The following NUMB variants were observed in gnomAD, a reference collection of about 807,000 sequenced individuals.
NUMB encodes the protein NUMB endocytic adaptor protein.
Under a neutral mutation model 59.7 loss-of-function variants are expected in NUMB, and 29 were observed. That is an observed-to-expected ratio of 0.49 (90% CI 0.36 to 0.66). The LOEUF is 0.66. Ranked by LOEUF, NUMB falls within the 30% of genes least tolerant of loss-of-function variation. NUMB has a pLI of 0.00. For synonymous variants in NUMB, 288 were observed against 288.2 expected, an observed-to-expected ratio of 1.00 and a Z score of 0.01; for missense variants, 723 against 822.0, an observed-to-expected ratio of 0.88 and a Z score of 1.47.
At chr14:73,321,568 T>C (rs1891407966) in intron 5 of NUMB, among the ~76,000 whole-genome samples, 1 of 152,220 alleles carries the variant, frequency 6.6e-6, no homozygotes, top group Admixed American at 6.5e-5. Context: ...AAAATTAAAT[T>C]TTTACTTCTC....
intron 1 of NUMB, among the ~76,000 whole-genome samples, chr14:73,424,626 C>T (rs1189662028): frequency 6.6e-6 from 1 of 152,046 alleles, no homozygotes; most frequent in East Asian, 1.9e-4. Flanking sequence ...AGTGGCATGT[C>T]GTATTATTTC....
chr14:73,452,757 A>G (rs1884076012), intron 1 of NUMB, among the ~76,000 whole-genome samples: 1 of 152,184 alleles, frequency 6.6e-6, no homozygotes, highest in Non-Finnish European at 1.5e-5. Context: ...CAGAGATAAG[A>G]AGAGCCTTCT....
intron 3 of NUMB, among the ~76,000 whole-genome samples, chr14:73,362,272 C>T (rs1387793843): frequency 6.6e-6 from 1 of 151,538 alleles, no homozygotes; most frequent in Non-Finnish European, 1.5e-5. Flanking sequence ...AAAAATGCTA[C>T]CAAAATTGTT....
chr14:73,355,041 C>T (rs1016563850), intron 4 of NUMB, among the ~76,000 whole-genome samples: 4 of 152,054 alleles, frequency 2.6e-5, no homozygotes, highest in Admixed American at 6.6e-5. Context: ...TTTCATTTCA[C>T]TAAAATATGA....
chr14:73,375,819 C>T (rs988721640), intron 2 of NUMB, among the ~76,000 whole-genome samples: 3 of 152,172 alleles, frequency 2.0e-5, no homozygotes, highest in African/African-American at 7.2e-5. Context: ...ACATGATCAT[C>T]TCCATAAATG....
intron 9 of NUMB, 160 bp downstream of exon 9, chr14:73,286,950 C>G (rs753453719): frequency 1.5e-6 from 1 of 684,948 alleles, no homozygotes; most frequent in South Asian, 1.7e-5. Flanking sequence ...ACTAGCCACT[C>G]TAAAGGAAGC....
chr14:73,357,918 C>G lies in NUMB; in HGVS notation c.-15-2152G>C, dbSNP rs565193026. Among the ~76,000 whole-genome samples, 766 of 145,282 alleles carry G rather than the reference C, an allele frequency of 5.3e-3. 7 individuals carry two copies. The highest frequency in any genetic ancestry group is 0.018 in the African/African-American group (721 of 39,300). On this transcript the variant is annotated intron_variant, in intron 3 of 12. Transcript: ENST00000555238. ...AAAAAAAAAAACCCACCAAAAAAAA[C>G]AAACTAAAAAAACCCTGTTATGATT...
intron 1 of NUMB, among the ~76,000 whole-genome samples, chr14:73,433,864 T>A (rs1181529612): frequency 6.6e-6 from 1 of 152,108 alleles, no homozygotes; most frequent in East Asian, 1.9e-4. Flanking sequence ...CCGAGGCCGA[T>A]GGATCACCTG....
At chr14:73,349,577 GAAA>G (rs71112731) in intron 4 of NUMB, among the ~76,000 whole-genome samples, 12 of 127,540 alleles carry the variant, frequency 9.4e-5, no homozygotes, top group African/African-American at 1.2e-4. Context: ...TCCATCTCAA[GAAA>G]AAAAAAAAAA....
intron 4 of NUMB, among the ~76,000 whole-genome samples, chr14:73,346,992 T>A (rs1479854738): frequency 6.6e-6 from 1 of 152,174 alleles, no homozygotes; most frequent in Non-Finnish European, 1.5e-5. Flanking sequence ...CACAGGTGAT[T>A]TATTAACTTT....
intron 2 of NUMB, among the ~76,000 whole-genome samples, chr14:73,395,575 C>CATA (rs1385246406): frequency 6.6e-6 from 1 of 152,024 alleles, no homozygotes; most frequent in Non-Finnish European, 1.5e-5. Flanking sequence ...GAGCCGTGAT[C>CATA]ATACCACTGC....
chr14:73,376,085 C>T (rs1007343644), intron 2 of NUMB, among the ~76,000 whole-genome samples: 4 of 152,108 alleles, frequency 2.6e-5, no homozygotes, highest in African/African-American at 9.7e-5. Flanking sequence ...GGAAATAAAA[C>T]TTAGACTGGA....
Position 73,308,838 on chromosome 14 carries a change from T to A in NUMB, c.234+7552A>T, listed in dbSNP as rs753032966. Among the ~76,000 whole-genome samples, 63 of 152,134 alleles carry A rather than the reference T, an allele frequency of 4.1e-4. 1 individual carries two copies. The highest frequency in any genetic ancestry group is 7.6e-4 in the Non-Finnish European group (52 of 68,028). On this transcript the variant is annotated intron_variant, in intron 6 of 12. Transcript: ENST00000555238. ...TCAAAGGGGAGTGAGAGATGGGCTA[T>A]GTGAATTGCTGCTGATAGTCTGAGT...
At chr14:73,352,501 TATATATATATATATATATATATA>T (rs1893414021) in intron 4 of NUMB, among the ~76,000 whole-genome samples, 5 of 12,700 alleles carry the variant, frequency 3.9e-4, no homozygotes, top group Admixed American at 1.2e-3. Context: ...TATATATATA[TATATATATATATATATATATATA>T]TATATGTTTT....
chr14:73,277,022 G>C lies in NUMB; in HGVS notation c.1512C>G (p.Ala504=). ...PVGVVPALQP[A]FVPAQSYPVA... ...CAGGATAGGACTGGGCAGGGACAAA[G>C]GCTGGTTGCAGGGCTGGGACCACAC... Residue 504 remains alanine, a synonymous_variant, in exon 13 of 13, where the codon GCC becomes GCG. Transcript: ENST00000555238. 6.2e-7 allele frequency: 1 copy of C among 1,614,154 alleles called. No individual in the cohort carries two copies. The highest frequency in any genetic ancestry group is 1.6e-4 in the Middle Eastern group (1 of 6,062).
intron 3 of NUMB, among the ~76,000 whole-genome samples, chr14:73,359,723 A>G (rs535306695): frequency 6.6e-6 from 1 of 152,284 alleles, no homozygotes; most frequent in African/African-American, 2.4e-5. Context: ...GGAGAGAGAA[A>G]AAATGCCACT....
intron 1 of NUMB, among the ~76,000 whole-genome samples, chr14:73,433,383 C>T (rs1897916888): frequency 6.6e-6 from 1 of 152,138 alleles, no homozygotes; most frequent in Non-Finnish European, 1.5e-5. Flanking sequence ...GATCACGCCA[C>T]TGAACTCTGG....
chr14:73,367,330 C>CATATATAT lies in NUMB; in HGVS notation c.-100-357_-100-350dup, dbSNP rs369452106. ...ACACACACACACACACACATATATA[C>CATATATAT]ATATATATATATATATATAGAGAGA... On this transcript the variant is annotated intron_variant, in intron 2 of 12. Coordinates refer to ENST00000555238, the MANE Select transcript of NUMB (RefSeq NM_001005743.2). 4.1e-3 allele frequency among the ~76,000 whole-genome samples: 481 copies of CATATATAT among 116,038 alleles called. 7 individuals are homozygous for CATATATAT. The highest frequency in any genetic ancestry group is 0.035 in the East Asian group (147 of 4,142). 76.1% of individuals were successfully genotyped at this position (116,038 alleles called of 152,430 possible). A position where few individuals can be genotyped will look rare whatever the true frequency, so the allele number is the denominator to read the frequency against.
intron 4 of NUMB, among the ~76,000 whole-genome samples, chr14:73,353,072 G>GTTTTTCTTTTTTT (rs71450219): frequency 0.029 from 1,689 of 58,480 alleles, 435 homozygotes; most frequent in East Asian, 0.053. Context: ...AGTTTTTCTT[G>GTTTTTCTTTTTTT]TTTTTTTTTT....
Sources: allele counts gnomAD v4.1 joint callset (sites outside exome capture counted in the v4.1 genomes callset), GRCh38; gene constraint gnomAD v4.1.1; transcripts MANE v1.5; gene names NCBI Gene and HGNC (gene_info 2026-07-23, HGNC 2026-07-21).